RAPGEF2: variants seen among roughly 807,000 people sequenced by gnomAD.
The protein encoded by RAPGEF2 is PDZ domain containing guanine nucleotide exchange factor (GEF) 1.
Under a neutral mutation model 186.7 loss-of-function variants are expected in RAPGEF2, and 54 were observed. The ratio of observed to expected loss-of-function variants is 0.29; its 90% CI spans 0.23 to 0.36. The LOEUF (loss-of-function observed/expected upper bound fraction) is 0.36. RAPGEF2 is among the 10% of genes least tolerant of loss of function. The pLI is 1.00. For synonymous variants in RAPGEF2, 712 were observed against 705.9 expected, an observed-to-expected ratio of 1.01 and a Z score of -0.14; for missense variants, 1,532 against 2,045.0, an observed-to-expected ratio of 0.75 and a Z score of 4.84.
At position 159,342,917 on chromosome 4, in the gene RAPGEF2, A is replaced by G. The variant is rs1290174763; in HGVS notation, c.2919-62A>G. 51 of 1,400,912 alleles carry G rather than the reference A, an allele frequency of 3.6e-5. 2 individuals carry two copies. The South Asian group carries it at 5.0e-4, about 14-fold the overall frequency. 86.8% of individuals were successfully genotyped at this position (1,400,912 alleles called of 1,614,324 possible). A position where few individuals can be genotyped will look rare whatever the true frequency, so the allele number is the denominator to read the frequency against. ...ATAAACATAGAGATGTTATATGTCA[A>G]TAAATAATCTGTACACTATTTTACT... On this transcript the variant is annotated intron_variant, in intron 20 of 29. Transcript: ENST00000691494.
chr4:159,212,239 C>T (rs754626090), intron 4 of RAPGEF2, among the ~76,000 whole-genome samples: 10 of 152,152 alleles, frequency 6.6e-5, no homozygotes, highest in Non-Finnish European at 1.2e-4. Flanking sequence ...AATCGTAAAG[C>T]TCTTCCACTC....
At chr4:159,139,067 A>AG (rs1448027681) in intron 1 of RAPGEF2, among the ~76,000 whole-genome samples, 3 of 152,234 alleles carry the variant, frequency 2.0e-5, no homozygotes, top group African/African-American at 7.2e-5. Context: ...GTAAAGCTCT[A>AG]GGAAGGGCAC....
intron 7 of RAPGEF2, chr4:159,267,082 T>C: frequency 3.0e-6 from 3 of 986,972 alleles, no homozygotes; most frequent in Non-Finnish European, 4.0e-6. Flanking sequence ...TCAGTGTGTA[T>C]AGGGAGAGGG....
chr4:159,183,734 T>C (rs1274056460), intron 1 of RAPGEF2, among the ~76,000 whole-genome samples: 1 of 152,144 alleles, frequency 6.6e-6, no homozygotes, highest in Non-Finnish European at 1.5e-5. Flanking sequence ...CCAATTAAAA[T>C]ATGAACAAAG....
chr4:159,188,249 C>T (rs554407013), intron 2 of RAPGEF2, among the ~76,000 whole-genome samples: 1 of 152,250 alleles, frequency 6.6e-6, no homozygotes, highest in South Asian at 2.1e-4. Flanking sequence ...CCACTGTGCA[C>T]ATAAAACCAC....
intron 7 of RAPGEF2, among the ~76,000 whole-genome samples, chr4:159,275,014 A>C (rs1286679298): frequency 6.7e-6 from 1 of 150,196 alleles, no homozygotes. Context: ...CTGAACCCCT[A>C]ACATAGGCCT....
intron 7 of RAPGEF2, chr4:159,267,418 G>A: frequency 1.0e-6 from 1 of 954,166 alleles, no homozygotes; most frequent in South Asian, 1.4e-5. Context: ...TTGCTAGCAG[G>A]CATGCTTGTG....
At chr4:159,212,563 A>G (rs912395806) in intron 4 of RAPGEF2, among the ~76,000 whole-genome samples, 10 of 152,178 alleles carry the variant, frequency 6.6e-5, no homozygotes, top group Admixed American at 2.0e-4. Flanking sequence ...TAAAGAATAT[A>G]TGTGTTGCCT....
intron 1 of RAPGEF2, among the ~76,000 whole-genome samples, chr4:159,141,974 TG>T (rs1742393734): frequency 6.6e-6 from 1 of 152,330 alleles, no homozygotes; most frequent in Admixed American, 6.5e-5. Flanking sequence ...TCACTGTTGT[TG>T]GGGGCATATG....
At chr4:159,109,558 A>T (rs1012429028) in intron 1 of RAPGEF2, among the ~76,000 whole-genome samples, 7 of 152,228 alleles carry the variant, frequency 4.6e-5, no homozygotes, top group Non-Finnish European at 1.5e-5. Flanking sequence ...CATATTTTAT[A>T]CAATTTCTAT....
chr4:159,357,829 A>G (rs760115483), intron 29 of RAPGEF2, among the ~76,000 whole-genome samples: 4 of 152,206 alleles, frequency 2.6e-5, no homozygotes, highest in Non-Finnish European at 5.9e-5. Context: ...GGCACATGCT[A>G]TTTTACAACT....
chr4:159,267,369 T>G, intron 7 of RAPGEF2: 3 of 1,260,884 alleles, frequency 2.4e-6, no homozygotes, highest in Non-Finnish European at 3.1e-6. Context: ...TTTTTGAGAT[T>G]GTGTGTGTGC....
At chr4:159,117,815 A>T (rs1327628491) in intron 1 of RAPGEF2, among the ~76,000 whole-genome samples, 1 of 152,080 alleles carries the variant, frequency 6.6e-6, no homozygotes, top group African/African-American at 2.4e-5. Flanking sequence ...TTTGTTCATC[A>T]CCTATTTACT....
chr4:159,214,938 C>T (rs1750860199), intron 4 of RAPGEF2, among the ~76,000 whole-genome samples: 1 of 152,218 alleles, frequency 6.6e-6, no homozygotes, highest in Non-Finnish European at 1.5e-5. Context: ...TCTCAGCTCA[C>T]TGCAGCCTCC....
chr4:159,109,788 T>A (rs1289308657), intron 1 of RAPGEF2, among the ~76,000 whole-genome samples: 1 of 152,226 alleles, frequency 6.6e-6, no homozygotes, highest in East Asian at 1.9e-4. Flanking sequence ...TATTCCAGAT[T>A]GACCTACTGT....
chr4:159,144,911 A>T (rs1156374381), intron 1 of RAPGEF2, among the ~76,000 whole-genome samples: 2 of 87,920 alleles, frequency 2.3e-5, no homozygotes, highest in Admixed American at 1.6e-4. Flanking sequence ...TTTTTGAGAC[A>T]GTGTGTCATC....
intron 7 of RAPGEF2, among the ~76,000 whole-genome samples, chr4:159,263,733 CTG>C (rs1757132047): frequency 6.6e-6 from 1 of 152,014 alleles, no homozygotes; most frequent in African/African-American, 2.4e-5. Flanking sequence ...TGGTTAAACA[CTG>C]TATATGTTCT....
At chr4:159,333,465 CTCTT>C (rs763212781) in intron 17 of RAPGEF2, among the ~76,000 whole-genome samples, 1 of 152,144 alleles carries the variant, frequency 6.6e-6, no homozygotes, top group Non-Finnish European at 1.5e-5. Flanking sequence ...TTTCCCCTCT[CTCTT>C]CTATTTTCAG....
At chr4:159,172,079 G>T (rs566595860) in intron 1 of RAPGEF2, among the ~76,000 whole-genome samples, 1 of 152,190 alleles carries the variant, frequency 6.6e-6, no homozygotes, top group South Asian at 2.1e-4. Context: ...TCTTTAAATG[G>T]AATACATTAA....
Sources: allele counts gnomAD v4.1 joint callset (sites outside exome capture counted in the v4.1 genomes callset), GRCh38; gene constraint gnomAD v4.1.1; transcripts MANE v1.5; gene names NCBI Gene and HGNC (gene_info 2026-07-23, HGNC 2026-07-21).